The following AGAP1 variants were observed in gnomAD, a reference collection of about 807,000 sequenced individuals.
AGAP1 encodes ArfGAP with GTPase domain, ankyrin repeat and PH domain 1, also known as arf-GAP with GTPase, ANK repeat and PH domain-containing protein 1.
In AGAP1, 29 loss-of-function variants were observed where a neutral mutation model predicts 105.3. The ratio of observed to expected loss-of-function variants is 0.28; its 90% CI spans 0.21 to 0.38. The LOEUF (loss-of-function observed/expected upper bound fraction) is 0.38. Ranked by LOEUF, AGAP1 falls within the 10% of genes least tolerant of loss-of-function variation. AGAP1 has a pLI of 1.00. For synonymous variants in AGAP1, 509 were observed against 485.9 expected, an observed-to-expected ratio of 1.05 and a Z score of -0.63; for missense variants, 998 against 1,165.1, an observed-to-expected ratio of 0.86 and a Z score of 2.09.
intron 1 of AGAP1, among the ~76,000 whole-genome samples, chr2:235,637,296 C>T (rs1947035865): frequency 6.6e-6 from 1 of 152,092 alleles, no homozygotes; most frequent in Non-Finnish European, 1.5e-5. Flanking sequence ...AAGACAGAGC[C>T]TTACTCTGTC....
intron 1 of AGAP1, among the ~76,000 whole-genome samples, chr2:235,514,337 T>C (rs1574733789): frequency 6.6e-6 from 1 of 152,262 alleles, no homozygotes; most frequent in East Asian, 1.9e-4. Flanking sequence ...TGAAATTCCT[T>C]GGCCTCACCC....
chr2:235,876,229 C>G (rs1387427167), intron 9 of AGAP1, among the ~76,000 whole-genome samples: 1 of 152,138 alleles, frequency 6.6e-6, no homozygotes, highest in Admixed American at 6.5e-5. Context: ...AATTTATGTA[C>G]TTTTAGAAAT....
At chr2:235,513,515 C>T (rs1283950819) in intron 1 of AGAP1, among the ~76,000 whole-genome samples, 8 of 115,588 alleles carry the variant, frequency 6.9e-5, no homozygotes, top group South Asian at 3.4e-4. Context: ...AGCAAGACTC[C>T]GTCTCAGAAA....
Position 235,665,404 on chromosome 2 carries a change from T to C in AGAP1, c.164-43775T>C, listed in dbSNP as rs551553719. Among the ~76,000 whole-genome samples the C allele has an allele frequency of 3.5e-4, 53 of 152,150 alleles. No individual in the cohort carries two copies. Among genetic ancestry groups the C allele is most frequent in the Non-Finnish European group, 5.6e-4 (38 of 68,032 alleles). ...AGCAGATAAGGGTCAAGTCCTCATC[T>C]CTTTTACAGTTCCACGTTTAACCTT... On this transcript the variant is annotated intron_variant, in intron 1 of 17. Coordinates refer to ENST00000304032, the MANE Select transcript of AGAP1 (RefSeq NM_001037131.3). This position sits in a 1 kb window ranked among gnomAD's most constrained non-coding sequence, Gnocchi z 5.3.
At chr2:236,029,156 A>G (rs988107834) in intron 13 of AGAP1, among the ~76,000 whole-genome samples, 1 of 151,188 alleles carries the variant, frequency 6.6e-6, no homozygotes, top group Non-Finnish European at 1.5e-5. Context: ...TGTCATTAGC[A>G]GTCATAGTCG....
rs555057785 is a variant in AGAP1, at chr2:235,930,710, T to A, written c.1325-55T>A. ...GTGGGTCCCATAGACTAACTCGCGC[T>A]GGTTTCTGTGGTCTGCAGTCCGCGG... On this transcript the variant is annotated intron_variant, in intron 11 of 17. Transcript: ENST00000304032. The surrounding 1 kb of genome is among the most constrained non-coding windows in gnomAD (Gnocchi z 7.9). The A allele has an allele frequency of 3.8e-5, 59 of 1,567,058 alleles. No homozygotes were observed. The highest frequency in any genetic ancestry group is 5.0e-5 in the Non-Finnish European group (58 of 1,153,504).
In AGAP1 at chr2:235,690,789, T is replaced by A. The variant is rs1466588116; in HGVS notation, c.164-18390T>A. 6.6e-6 allele frequency among the ~76,000 whole-genome samples: 1 copy of A among 152,178 alleles called. No homozygotes were observed. Among genetic ancestry groups the A allele is most frequent in the Non-Finnish European group, 1.5e-5 (1 of 68,028 alleles). On this transcript the variant is annotated intron_variant, in intron 1 of 17. Transcript: ENST00000304032. This position sits in a 1 kb window ranked among gnomAD's most constrained non-coding sequence, Gnocchi z 4.1. ...TTACGGTTATCTTCGGGTAAAGTCA[T>A]TGTGTTTCTTCTTGATTTATTTATT...
chr2:236,032,669 A>G (rs2057260545), intron 13 of AGAP1, among the ~76,000 whole-genome samples: 1 of 152,076 alleles, frequency 6.6e-6, no homozygotes, highest in South Asian at 2.1e-4. Context: ...AAGGATGAAG[A>G]AAAGAGGTGA....
At chr2:235,759,369 C>A (rs79387330) in intron 6 of AGAP1, among the ~76,000 whole-genome samples, 40,919 of 150,630 alleles carry the variant, frequency 0.27, 6,461 homozygotes, top group Non-Finnish European at 0.36. Context: ...CGGGCTTTCA[C>A]CGTGTTAGCC....
Position 235,865,329 on chromosome 2 carries a change from G to C in AGAP1, c.1051-18016G>C, listed in dbSNP as rs2049108252. The stretch of plus-strand genomic sequence containing the variant: ...AATAGACGCGGCTAATGACAGGAAG[G>C]TCGCGCGGGTGAGCTGACCTGTGTG... On this transcript the variant is annotated intron_variant, in intron 9 of 17. Coordinates refer to ENST00000304032, the MANE Select transcript of AGAP1 (RefSeq NM_001037131.3). The surrounding 1 kb of genome is among the most constrained non-coding windows in gnomAD (Gnocchi z 6.2). 6.6e-6 allele frequency among the ~76,000 whole-genome samples: 1 copy of C among 152,190 alleles called. No homozygotes were observed.
chr2:235,757,923 G>GGC (rs1954066463), intron 6 of AGAP1, among the ~76,000 whole-genome samples: 1 of 152,050 alleles, frequency 6.6e-6, no homozygotes, highest in African/African-American at 2.4e-5. Context: ...CAGTCTTCTG[G>GGC]GCCTCTTCTC....
In AGAP1 at chr2:235,680,345, G is replaced by A. The variant is rs529954249; in HGVS notation, c.164-28834G>A. Among the ~76,000 whole-genome samples, 4 of 152,300 alleles carry A rather than the reference G, an allele frequency of 2.6e-5. No homozygotes were observed. In the South Asian group the frequency reaches 8.3e-4, roughly 32 times the overall value. On this transcript the variant is annotated intron_variant, in intron 1 of 17. Transcript: ENST00000304032. ...TGGGCCTGAGCCCTTGTAGGGGTGG[G>A]ACAGGGCAGGGGTTTGAGTGTGAAT...
At chr2:235,706,112 AG>A (rs1466992707) in intron 1 of AGAP1, among the ~76,000 whole-genome samples, 1 of 152,224 alleles carries the variant, frequency 6.6e-6, no homozygotes, top group South Asian at 2.1e-4. Context: ...CCTTGACTTC[AG>A]CCATCTAGTT....
chr2:235,677,905 C>G (rs556097767), intron 1 of AGAP1, among the ~76,000 whole-genome samples: 2 of 68,602 alleles, frequency 2.9e-5, no homozygotes, highest in South Asian at 1.4e-3. Flanking sequence ...TAGCTCTTTA[C>G]CAAAAAAAAA....
At chr2:236,025,821 G>A (rs1349524894) in intron 13 of AGAP1, among the ~76,000 whole-genome samples, 1 of 151,372 alleles carries the variant, frequency 6.6e-6, no homozygotes, top group Non-Finnish European at 1.5e-5. Flanking sequence ...AGAATCACTT[G>A]AACCCCGGAG....
chr2:235,949,196 T>TCCCTAAA (rs1406719588), intron 12 of AGAP1, among the ~76,000 whole-genome samples: 2 of 152,126 alleles, frequency 1.3e-5, no homozygotes, highest in African/African-American at 2.4e-5. Flanking sequence ...CACGTTGAGT[T>TCCCTAAA]CCCTAAACCC....
chr2:235,502,167 C>T (rs924535800), intron 1 of AGAP1, among the ~76,000 whole-genome samples: 3 of 152,024 alleles, frequency 2.0e-5, no homozygotes, highest in East Asian at 3.9e-4. Flanking sequence ...TCCGTGGGGT[C>T]CAGTCCCTCT....
chr2:235,711,076 A>G (rs1055566954), intron 2 of AGAP1, among the ~76,000 whole-genome samples: 4 of 152,198 alleles, frequency 2.6e-5, no homozygotes, highest in African/African-American at 9.6e-5. Flanking sequence ...TGGTGCTTCC[A>G]CCACCGCACT....
Position 236,014,769 on chromosome 2 carries a change from T to C in AGAP1, c.1646-21792T>C. The C allele has an allele frequency of 4.8e-6, 2 of 420,562 alleles. No homozygotes were observed. The highest frequency in any genetic ancestry group is 3.6e-4 in the Middle Eastern group (1 of 2,786). The allele number at this position is 420,562 out of a possible 1,614,324, so 26.1% of individuals were successfully genotyped here. A position where few individuals can be genotyped will look rare whatever the true frequency, so the allele number is the denominator to read the frequency against. On this transcript the variant is annotated intron_variant, in intron 13 of 17. Transcript: ENST00000304032. This position sits in a 1 kb window ranked among gnomAD's most constrained non-coding sequence, Gnocchi z 6.3. ...TTTCTTTTCCTTTTTGTTTTCTCTC[T>C]TTTTCCCCTCTCCCCTTTCTGCTCT...
Sources: gnomAD v4.1 joint callset for allele counts (sites outside exome capture counted in the v4.1 genomes callset) on GRCh38, gnomAD v4.1.1 for gene constraint, Gnocchi (gnomAD v3.1) non-coding constraint, MANE v1.5 for transcripts, NCBI Gene and HGNC (gene_info 2026-07-23, HGNC 2026-07-21) for gene names.